The following TMEFF1 variants were observed in gnomAD, a reference collection of about 807,000 sequenced individuals.
The protein encoded by TMEFF1 is transmembrane protein with EGF like and two follistatin like domains 1, also known as tomoregulin-1.
In TMEFF1, 20 loss-of-function variants were observed where a neutral mutation model predicts 47.5. The ratio of observed to expected loss-of-function variants is 0.42; its 90% CI spans 0.30 to 0.61. TMEFF1 has a LOEUF of 0.61. Ranked by LOEUF, TMEFF1 falls within the 20% of genes least tolerant of loss-of-function variation. The probability of loss-of-function intolerance (pLI) is 0.19; values close to 1 mark genes in which losing one functional copy is unlikely to be tolerated. For synonymous variants in TMEFF1, 162 were observed against 166.3 expected (o/e 0.97, Z 0.20); for missense variants, 411 against 471.1 (o/e 0.87, Z 1.18).
chr9:100,546,069 G>A (rs1387650160), intron 5 of TMEFF1, among the ~76,000 whole-genome samples: 4 of 152,068 alleles, frequency 2.6e-5, no homozygotes, highest in African/African-American at 7.2e-5. Flanking sequence ...GTTCCAACTC[G>A]TGCCTATTAC....
intron 5 of TMEFF1, among the ~76,000 whole-genome samples, chr9:100,541,744 G>A (rs1417074025): frequency 6.6e-6 from 1 of 151,996 alleles, no homozygotes; most frequent in Non-Finnish European, 1.5e-5. Flanking sequence ...ATCTTAAAAT[G>A]TTTAGAATTA....
chr9:100,511,394 T>G (rs1837962862), intron 3 of TMEFF1, among the ~76,000 whole-genome samples: 1 of 152,192 alleles, frequency 6.6e-6, no homozygotes, highest in Admixed American at 6.5e-5. Context: ...CTGTGTGACC[T>G]TGGACAAATC....
intron 6 of TMEFF1, among the ~76,000 whole-genome samples, chr9:100,549,245 G>A (rs964479231): frequency 2.0e-5 from 3 of 152,106 alleles, no homozygotes; most frequent in African/African-American, 4.8e-5. Flanking sequence ...TTACATGGCC[G>A]GAAAAGGAGG....
intron 6 of TMEFF1, 90 bp downstream of exon 6, chr9:100,547,982 A>G (rs1206697436): frequency 8.5e-6 from 11 of 1,297,212 alleles, no homozygotes; most frequent in South Asian, 3.0e-5. Context: ...TCAAATTTGT[A>G]AAATGAGAAA....
At position 100,515,452 on chromosome 9, in the gene TMEFF1, T is replaced by C. The variant is rs1036803814; in HGVS notation, c.464-1223T>C. ...GTTCGGAAGCATTACCAAACAGGCATGGCAGATTTGTGTACCTTTTTTAAC... is the reference window on the plus strand; with the variant it reads ...GTTCGGAAGCATTACCAAACAGGCACGGCAGATTTGTGTACCTTTTTTAAC... On this transcript the variant is annotated intron_variant, in intron 4 of 9. Coordinates refer to ENST00000374879, the MANE Select transcript of TMEFF1 (RefSeq NM_003692.5). Among the ~76,000 whole-genome samples, 10 of 152,110 alleles carry C rather than the reference T, an allele frequency of 6.6e-5. No individual in the cohort carries two copies. The South Asian group carries it at 1.9e-3, about 28-fold the overall frequency.
intron 1 of TMEFF1, among the ~76,000 whole-genome samples, chr9:100,479,386 G>T (rs190224863): frequency 2.6e-5 from 4 of 152,098 alleles, no homozygotes; most frequent in Non-Finnish European, 5.9e-5. Flanking sequence ...TATTGAGCAC[G>T]AACAAGATAG....
intron 2 of TMEFF1, among the ~76,000 whole-genome samples, chr9:100,499,866 G>A (rs1213571387): frequency 6.6e-6 from 1 of 152,166 alleles, no homozygotes; most frequent in Non-Finnish European, 1.5e-5. Context: ...GGAGAGTTTA[G>A]GTAAAGGAGG....
chr9:100,508,563 A>G (rs946605611), intron 2 of TMEFF1, among the ~76,000 whole-genome samples: 1 of 151,794 alleles, frequency 6.6e-6, no homozygotes, highest in Non-Finnish European at 1.5e-5. Flanking sequence ...AGATCATCCT[A>G]TATTTCTTTG....
intron 4 of TMEFF1, among the ~76,000 whole-genome samples, chr9:100,514,706 A>C (rs999661180): frequency 6.8e-5 from 10 of 146,538 alleles, no homozygotes; most frequent in Admixed American, 1.4e-4. Flanking sequence ...AAAAAAAAAA[A>C]ACAAAAGGCC....
At chr9:100,494,811 C>A (rs1320402333) in intron 1 of TMEFF1, among the ~76,000 whole-genome samples, 2 of 152,174 alleles carry the variant, frequency 1.3e-5, no homozygotes, top group Non-Finnish European at 2.9e-5. Context: ...TTAAAATGTC[C>A]ATTCATGAGC....
intron 3 of TMEFF1, among the ~76,000 whole-genome samples, chr9:100,510,607 C>T (rs915004049): frequency 6.6e-6 from 1 of 152,068 alleles, no homozygotes; most frequent in Non-Finnish European, 1.5e-5. Flanking sequence ...GTAGCTGGGA[C>T]TACAGACACA....
intron 5 of TMEFF1, among the ~76,000 whole-genome samples, chr9:100,533,320 T>A (rs548932519): frequency 6.6e-5 from 10 of 152,370 alleles, no homozygotes; most frequent in African/African-American, 2.2e-4. Flanking sequence ...TAATGATTAG[T>A]GTACCCTTAA....
intron 5 of TMEFF1, among the ~76,000 whole-genome samples, chr9:100,546,543 T>G (rs752455407): frequency 6.6e-6 from 1 of 151,920 alleles, no homozygotes; most frequent in Non-Finnish European, 1.5e-5. Context: ...AGCCAAAAAA[T>G]TGGTAATTGA....
intron 1 of TMEFF1, among the ~76,000 whole-genome samples, chr9:100,478,769 T>A (rs965409409): frequency 6.6e-6 from 1 of 152,216 alleles, no homozygotes; most frequent in African/African-American, 2.4e-5. Flanking sequence ...TTAGACTGAC[T>A]GACTTTGTTT....
At chr9:100,525,049 G>C (rs1358054315) in intron 5 of TMEFF1, among the ~76,000 whole-genome samples, 1 of 152,124 alleles carries the variant, frequency 6.6e-6, no homozygotes, top group Non-Finnish European at 1.5e-5. Flanking sequence ...TCTTAGTAAT[G>C]ATGGCCATCC....
At chr9:100,484,962 C>G (rs867049079) in intron 1 of TMEFF1, among the ~76,000 whole-genome samples, 37 of 152,144 alleles carry the variant, frequency 2.4e-4, no homozygotes, top group Middle Eastern at 6.3e-3. Flanking sequence ...CAGGCATGAG[C>G]TACCAACCCT....
chr9:100,515,517 G>A lies in TMEFF1; in HGVS notation c.464-1158G>A, dbSNP rs147467400. ...AAGACACCCCCTGAGGCCGGGTGTG[G>A]TGGCTCATGCCTGTAATCCCAGCGT... is the stretch of plus-strand genomic sequence containing the variant. On this transcript the variant is annotated intron_variant, in intron 4 of 9. Transcript: ENST00000374879. Among the ~76,000 whole-genome samples the A allele has an allele frequency of 4.4e-3, 676 of 152,260 alleles. 6 individuals are homozygous for A. The highest frequency in any genetic ancestry group is 0.015 in the African/African-American group (639 of 41,548).
chr9:100,481,171 T>C (rs1025395820), intron 1 of TMEFF1, among the ~76,000 whole-genome samples: 5 of 152,216 alleles, frequency 3.3e-5, no homozygotes, highest in African/African-American at 1.2e-4. Context: ...ATCCTAATCT[T>C]CCTTCGTGCT....
chr9:100,547,798 T>C lies in TMEFF1; in HGVS notation c.615T>C (p.Ser205=), dbSNP rs772002907. Residue 205 remains serine (S), a synonymous_variant, in exon 6 of 10, where the codon TCT becomes TCC. Transcript: ENST00000374879. ...ACAGTTTTAATCCTGTGTGTGCTTCTGATGGGAGTTCCTATAACAATCCCT... is the reference window on the plus strand; with the variant it reads ...ACAGTTTTAATCCTGTGTGTGCTTCCGATGGGAGTTCCTATAACAATCCCT... The part of the protein sequence containing the change: ...SGYSFNPVCA[S]DGSSYNNPCF... The C allele has an allele frequency of 2.5e-6, 4 of 1,609,956 alleles. No individual in the cohort carries two copies. Among genetic ancestry groups the C allele is most frequent in the Non-Finnish European group, 3.4e-6 (4 of 1,178,576 alleles).
Sources: gnomAD v4.1 joint callset for allele counts (sites outside exome capture counted in the v4.1 genomes callset) on GRCh38, gnomAD v4.1.1 for gene constraint, MANE v1.5 for transcripts, NCBI Gene and HGNC (gene_info 2026-07-23, HGNC 2026-07-21) for gene names.